The following SMYD3 variants were observed in gnomAD, a reference collection of about 807,000 sequenced individuals.
SMYD3 encodes the protein SET and MYND domain containing 3, also known as histone-lysine N-methyltransferase SMYD3.
A neutral mutation model predicts 57.7 loss-of-function variants in SMYD3; 36 were observed. That is an observed-to-expected ratio of 0.62 (90% CI 0.48 to 0.82). The LOEUF is 0.82. Ranked by LOEUF, SMYD3 falls within the 40% of genes least tolerant of loss-of-function variation. SMYD3 has a pLI of 0.00. For synonymous variants in SMYD3, 211 were observed against 195.0 expected, an observed-to-expected ratio of 1.08 and a Z score of -0.68; for missense variants, 515 against 538.8, an observed-to-expected ratio of 0.96 and a Z score of 0.44.
chr1:246,027,094 G>A (rs906439247), intron 5 of SMYD3, among the ~76,000 whole-genome samples: 1 of 152,218 alleles, frequency 6.6e-6, no homozygotes, highest in Non-Finnish European at 1.5e-5. Context: ...TTAAGCCAAA[G>A]CCTAATCCAG....
intron 10 of SMYD3, among the ~76,000 whole-genome samples, chr1:245,806,090 G>C (rs2048131083): frequency 6.6e-6 from 1 of 152,190 alleles, no homozygotes; most frequent in Admixed American, 6.5e-5. Context: ...TGGGAAGACA[G>C]TTATGAAGAA....
chr1:246,043,069 C>T (rs745953381), intron 5 of SMYD3, among the ~76,000 whole-genome samples: 1 of 152,156 alleles, frequency 6.6e-6, no homozygotes, highest in Non-Finnish European at 1.5e-5. Context: ...TTTATCCCCA[C>T]CTCTATCTAC....
chr1:245,911,197 T>C (rs1408686077), intron 8 of SMYD3, among the ~76,000 whole-genome samples: 3 of 151,966 alleles, frequency 2.0e-5, no homozygotes, highest in Admixed American at 6.6e-5. Flanking sequence ...ATGGCTACTA[T>C]AAAAAAGTAA....
chr1:246,124,324 C>T (rs1258808209), intron 5 of SMYD3, among the ~76,000 whole-genome samples: 2 of 151,022 alleles, frequency 1.3e-5, no homozygotes, highest in Non-Finnish European at 2.9e-5. Context: ...TAAAAAGTTC[C>T]AAATGAATGA....
intron 5 of SMYD3, among the ~76,000 whole-genome samples, chr1:246,055,747 T>G (rs1558187686): frequency 6.6e-6 from 1 of 152,154 alleles, no homozygotes; most frequent in African/African-American, 2.4e-5. Flanking sequence ...TTAAAGAAGT[T>G]AGACACAGAA....
At chr1:245,753,216 T>G in intron 11 of SMYD3, among the ~76,000 whole-genome samples, 1 of 146,208 alleles carries the variant, frequency 6.8e-6, no homozygotes, top group African/African-American at 2.5e-5. Context: ...AGGAAATGGG[T>G]ATGGGTAGGG....
At chr1:246,304,331 C>T (rs931410282) in intron 5 of SMYD3, among the ~76,000 whole-genome samples, 1 of 152,100 alleles carries the variant, frequency 6.6e-6, no homozygotes, top group Non-Finnish European at 1.5e-5. Context: ...TTCCCATGGA[C>T]ATAGCCATAA....
At chr1:246,415,548 G>A (rs1448886022) in intron 1 of SMYD3, among the ~76,000 whole-genome samples, 1 of 152,024 alleles carries the variant, frequency 6.6e-6, no homozygotes, top group Non-Finnish European at 1.5e-5. Flanking sequence ...CTAGAACCCT[G>A]GCCTCCAGCA....
chr1:246,346,540 T>C (rs940062413), intron 2 of SMYD3, among the ~76,000 whole-genome samples: 7 of 152,142 alleles, frequency 4.6e-5, no homozygotes, highest in African/African-American at 1.4e-4. Flanking sequence ...ATAATCGTAG[T>C]GGAAGGGGAA....
intron 10 of SMYD3, among the ~76,000 whole-genome samples, chr1:245,783,513 T>C (rs1031102521): frequency 6.6e-6 from 1 of 151,912 alleles, no homozygotes; most frequent in African/African-American, 2.4e-5. Flanking sequence ...TCATCCATAC[T>C]CATATTGAAC....
intron 5 of SMYD3, among the ~76,000 whole-genome samples, chr1:245,974,151 A>T (rs1054669368): frequency 6.6e-6 from 1 of 152,118 alleles, no homozygotes; most frequent in Non-Finnish European, 1.5e-5. Context: ...CACTGTGAGT[A>T]TCCTCACTCT....
chr1:246,192,360 C>A (rs936387379), intron 5 of SMYD3, among the ~76,000 whole-genome samples: 1 of 152,214 alleles, frequency 6.6e-6, no homozygotes, highest in Admixed American at 6.5e-5. Context: ...AGAACTCCTG[C>A]AACTTTGGAA....
At chr1:246,285,594 A>C (rs1262224476) in intron 5 of SMYD3, among the ~76,000 whole-genome samples, 3 of 152,224 alleles carry the variant, frequency 2.0e-5, no homozygotes, top group Non-Finnish European at 2.9e-5. Flanking sequence ...CAAAGACTTC[A>C]TGACCAAGAA....
At chr1:246,036,728 TTTTTTTTTTGTAC>T (rs1334093625) in intron 5 of SMYD3, among the ~76,000 whole-genome samples, 1 of 147,376 alleles carries the variant, frequency 6.8e-6, no homozygotes, top group Non-Finnish European at 1.5e-5. Flanking sequence ...TAATTTTTTT[TTTTTTTTTTGTAC>T]TTTTAGTAGA....
intron 5 of SMYD3, among the ~76,000 whole-genome samples, chr1:245,960,528 C>T (rs968665055): frequency 6.6e-6 from 1 of 152,082 alleles, no homozygotes; most frequent in African/African-American, 2.4e-5. Flanking sequence ...CCGAGGCCAG[C>T]CTGGGTAACA....
intron 5 of SMYD3, among the ~76,000 whole-genome samples, chr1:245,934,865 G>A (rs2056913031): frequency 6.6e-6 from 1 of 152,168 alleles, no homozygotes; most frequent in Non-Finnish European, 1.5e-5. Flanking sequence ...CTGTAAGGTT[G>A]CGGGGACAAA....
At chr1:245,917,427 G>A (rs1449466845) in intron 7 of SMYD3, among the ~76,000 whole-genome samples, 1 of 152,194 alleles carries the variant, frequency 6.6e-6, no homozygotes, top group African/African-American at 2.4e-5. Flanking sequence ...CATAGGTAGA[G>A]AAGCAATGGC....
At chr1:246,470,929 C>T (rs1047502850) in intron 1 of SMYD3, among the ~76,000 whole-genome samples, 2 of 152,122 alleles carry the variant, frequency 1.3e-5, no homozygotes, top group Middle Eastern at 3.4e-3. Flanking sequence ...AGGAAAGAGA[C>T]ATTAGGTATG....
intron 5 of SMYD3, among the ~76,000 whole-genome samples, chr1:246,190,521 G>A (rs1018358770): frequency 7.1e-6 from 1 of 141,786 alleles, no homozygotes; most frequent in African/African-American, 2.5e-5. Flanking sequence ...GGAGGCAGAG[G>A]TTGCAGTGGG....
Sources: allele counts gnomAD v4.1 joint callset (sites outside exome capture counted in the v4.1 genomes callset), GRCh38; gene constraint gnomAD v4.1.1; transcripts MANE v1.5; gene names NCBI Gene and HGNC (gene_info 2026-07-23, HGNC 2026-07-21).